Variants in C11orf65 observed in about 807,000 individuals in gnomAD.
The protein encoded by C11orf65 is chromosome 11 open reading frame 65.
Under a neutral mutation model 35.3 loss-of-function variants are expected in C11orf65, and 38 were observed. The ratio of observed to expected loss-of-function variants is 1.08; its 90% CI spans 0.83 to 1.41. The LOEUF (loss-of-function observed/expected upper bound fraction) is 1.41, where lower values mean the gene tolerates loss of function less well. Ranked by LOEUF, C11orf65 falls within the 40% of genes most tolerant of loss-of-function variation. The pLI, the probability that C11orf65 is intolerant of heterozygous loss-of-function variation, is 0.00. For missense variants in C11orf65, 370 were observed against 367.1 expected (o/e 1.01, Z -0.06); for synonymous variants, 105 against 114.4 (o/e 0.92, Z 0.53).
At chr11:108,324,527 C>T (rs938284647) in intron 6 of C11orf65, among the ~76,000 whole-genome samples, 4 of 151,928 alleles carry the variant, frequency 2.6e-5, no homozygotes, top group East Asian at 1.9e-4. Flanking sequence ...AAAGGAGTTC[C>T]GCAAAAAGTT....
chr11:108,372,528 T>C (rs1404442122), intron 2 of C11orf65, among the ~76,000 whole-genome samples: 1 of 152,214 alleles, frequency 6.6e-6, no homozygotes, highest in African/African-American at 2.4e-5. Context: ...TTTTTAGATT[T>C]CCATGATTAT....
intron 2 of C11orf65, among the ~76,000 whole-genome samples, chr11:108,369,607 G>A (rs191003233): frequency 6.6e-6 from 1 of 152,228 alleles, no homozygotes; most frequent in African/African-American, 2.4e-5. Flanking sequence ...TCAGAATTTG[G>A]TAAGTAAGGA....
chr11:108,411,350 T>G (rs1014205973), intron 3 of C11orf65, among the ~76,000 whole-genome samples: 1 of 152,210 alleles, frequency 6.6e-6, no homozygotes, highest in South Asian at 2.1e-4. Context: ...ATTTCAAAAC[T>G]TGGAAATTTG....
At chr11:108,366,179 CATTCT>C (rs537960895) in intron 2 of C11orf65, 14 of 194,672 alleles carry the variant, frequency 7.2e-5, no homozygotes, top group Non-Finnish European at 1.3e-4. Context: ...TAAAACTTCT[CATTCT>C]ATTCTCTTTA....
intron 3 of C11orf65, among the ~76,000 whole-genome samples, chr11:108,407,749 G>T (rs140358542): frequency 6.6e-6 from 1 of 150,734 alleles, no homozygotes; most frequent in East Asian, 1.9e-4. Flanking sequence ...TCGAGACCAC[G>T]GTGAAACCCC....
intron 2 of C11orf65, among the ~76,000 whole-genome samples, chr11:108,374,707 C>A (rs2091673507): frequency 1.3e-5 from 2 of 152,134 alleles, no homozygotes. Context: ...GGAGGAAATT[C>A]AAACCAAAGG....
chr11:108,390,179 T>C (rs2092120899), intron 7 of C11orf65, among the ~76,000 whole-genome samples: 1 of 151,396 alleles, frequency 6.6e-6, no homozygotes, highest in African/African-American at 2.4e-5. Context: ...GCCTGCCAAT[T>C]TTTGGTGGGT....
chr11:108,381,701 A>G (rs1287767892), downstream of C11orf65, among the ~76,000 whole-genome samples: 1 of 152,138 alleles, frequency 6.6e-6, no homozygotes, highest in Non-Finnish European at 1.5e-5. Flanking sequence ...ATCTGTACCA[A>G]TGTCTTATGG....
chr11:108,463,875 A>G (rs1387970018), intron 1 of C11orf65, among the ~76,000 whole-genome samples: 3 of 152,132 alleles, frequency 2.0e-5, no homozygotes, highest in Non-Finnish European at 4.4e-5. Context: ...AATAACTGTT[A>G]GCACAAATGA....
chr11:108,371,569 T>C (rs1263824753), intron 2 of C11orf65, among the ~76,000 whole-genome samples: 2 of 152,236 alleles, frequency 1.3e-5, no homozygotes, highest in Non-Finnish European at 2.9e-5. Context: ...AGAATTTCCT[T>C]CCTTTTTAAG....
intron 2 of C11orf65, among the ~76,000 whole-genome samples, chr11:108,361,530 C>A (rs2090755556): frequency 6.6e-6 from 1 of 152,050 alleles, no homozygotes; most frequent in Non-Finnish European, 1.5e-5. Context: ...AGGCATCACA[C>A]TACCTGACTT....
At chr11:108,387,909 G>T (rs545044490) in intron 7 of C11orf65, among the ~76,000 whole-genome samples, 4 of 152,184 alleles carry the variant, frequency 2.6e-5, no homozygotes, top group Non-Finnish European at 5.9e-5. Context: ...GGTGCTCTGC[G>T]AACTTTCTTC....
chr11:108,404,529 T>C (rs1291851906), intron 6 of C11orf65, among the ~76,000 whole-genome samples: 5 of 151,778 alleles, frequency 3.3e-5, no homozygotes, highest in Admixed American at 2.6e-4. Context: ...TGCCTCAGCC[T>C]CCCAAGTAGC....
rs555525317 is a variant in C11orf65 at position 108,317,580 on chromosome 11, T to A, written c.641-8509A>T. Reference sequence around the variant, plus strand: ...CTCTCTCCTCATTCTAAACAACAACTGTTTTTCTCTTCTATGAATATAACA... The same window carrying A: ...CTCTCTCCTCATTCTAAACAACAACAGTTTTTCTCTTCTATGAATATAACA... On this transcript the variant is annotated intron_variant, in intron 6 of 6. Coordinates refer to the C11orf65 transcript ENST00000525729. 6 of 1,452,470 alleles carry A rather than the reference T, an allele frequency of 4.1e-6. No homozygotes were observed. In the East Asian group the frequency reaches 1.1e-4, roughly 27 times the overall value. 90.0% of individuals were successfully genotyped at this position (1,452,470 alleles called of 1,614,324 possible). A position where few individuals can be genotyped will look rare whatever the true frequency, so the allele number is the denominator to read the frequency against.
intron 3 of C11orf65, among the ~76,000 whole-genome samples, chr11:108,412,551 T>C (rs758718343): frequency 1.3e-5 from 2 of 152,002 alleles, no homozygotes; most frequent in African/African-American, 2.4e-5. Context: ...CTGGGCAATA[T>C]AGTTAGACTC....
chr11:108,378,902 GA>G (rs1355313909), downstream of C11orf65, among the ~76,000 whole-genome samples: 1 of 151,970 alleles, frequency 6.6e-6, no homozygotes, highest in Non-Finnish European at 1.5e-5. Flanking sequence ...GGCCATCAGA[GA>G]AATGCAAATC....
chr11:108,374,582 C>A (rs2091668362), intron 2 of C11orf65, among the ~76,000 whole-genome samples: 1 of 152,198 alleles, frequency 6.6e-6, no homozygotes, highest in South Asian at 2.1e-4. Flanking sequence ...GAGAGCGCCT[C>A]TCCTCCTCCA....
rs927928201 is a variant in C11orf65, at chr11:108,441,554, A to T, written c.82-9716T>A. Among the ~76,000 whole-genome samples, 4 of 152,304 alleles carry T rather than the reference A, an allele frequency of 2.6e-5. No homozygotes were observed. In the South Asian group the frequency reaches 8.3e-4, roughly 32 times the overall value. On this transcript the variant is annotated intron_variant, in intron 2 of 8. Coordinates refer to ENST00000393084, the MANE Select transcript of C11orf65 (RefSeq NM_152587.5). ...TGGGTCCCTGACCCCCAAGTAGCCT[A>T]ACTGGGAGGCACCCCCCAGTAGGGG... is the stretch of plus-strand genomic sequence containing the variant.
chr11:108,321,730 G>T (rs1162385437), intron 6 of C11orf65, among the ~76,000 whole-genome samples: 1 of 151,674 alleles, frequency 6.6e-6, no homozygotes, highest in Non-Finnish European at 1.5e-5. Context: ...AGAGGTTGTG[G>T]TGAGCCGAGA....
Sources: allele counts gnomAD v4.1 joint callset (sites outside exome capture counted in the v4.1 genomes callset), GRCh38; gene constraint gnomAD v4.1.1; transcripts MANE v1.5; gene names NCBI Gene and HGNC (gene_info 2026-07-23, HGNC 2026-07-21).